GPRC5A: variants seen among roughly 807,000 people sequenced by gnomAD.
The protein encoded by GPRC5A is G protein-coupled receptor class C group 5 member A.
In GPRC5A, 19 loss-of-function variants were observed where a neutral mutation model predicts 22.5. That is an observed-to-expected ratio of 0.85 (90% CI 0.59 to 1.24). The LOEUF (loss-of-function observed/expected upper bound fraction) is 1.24. GPRC5A is among the 50% of genes most tolerant of loss of function. The pLI is 0.00. For missense variants in GPRC5A, 471 were observed against 451.1 expected (o/e 1.04, Z -0.40); for synonymous variants, 192 against 184.5 (o/e 1.04, Z -0.33).
rs766125612 is a variant in GPRC5A, at chr12:12,908,898, A to T, written c.649A>T (p.Met217Leu). Residue 217 changes from methionine to leucine, a missense_variant, in exon 2 of 4, where the codon ATG becomes TTG. By Grantham distance (15) the Met-to-Leu change is conservative (BLOSUM62 2). Transcript: ENST00000014914. ...KRHGAHIYLT[M>L]LLSIAIWVAW... ...ACATGGGGCCCACATCTACCTCACGATGCTCCTCTCCATTGCCATCTGGGT... is the reference window on the plus strand; with the variant it reads ...ACATGGGGCCCACATCTACCTCACGTTGCTCCTCTCCATTGCCATCTGGGT... 3.7e-6 allele frequency: 6 copies of T among 1,613,928 alleles called. No homozygotes were observed. The highest frequency in any genetic ancestry group is 1.1e-5 in the South Asian group (1 of 91,068).
intron 1 of GPRC5A, among the ~76,000 whole-genome samples, chr12:12,902,816 C>A (rs1247765225): frequency 6.6e-6 from 1 of 152,114 alleles, no homozygotes; most frequent in African/African-American, 2.4e-5. Flanking sequence ...GCCTGTAATC[C>A]CAGCACTTTG....
intron 1 of GPRC5A, among the ~76,000 whole-genome samples, chr12:12,900,914 C>CAAAAAAAAAAACA (rs55937595): frequency 2.2e-5 from 2 of 89,750 alleles, no homozygotes; most frequent in South Asian, 3.8e-4. Flanking sequence ...AAAAAAAAAA[C>CAAAAAAAAAAACA]AAAAAAAAAA....
Position 12,908,385 on chromosome 12 carries a change from A to G in GPRC5A, c.136A>G (p.Met46Val), listed in dbSNP as rs1863965027. ...TAGVVTSVAF[M>V]LTLPILVCKV... ...CGGGGTTGTGACCTCGGTGGCCTTC[A>G]TGCTCACTCTCCCGATCCTCGTCTG... The change falls in exon 2 of 4, where the codon ATG becomes GTG. Residue 46 changes from methionine to valine, a missense_variant. Transcript: ENST00000014914. 6.2e-7 allele frequency: 1 copy of G among 1,614,018 alleles called. No individual in the cohort carries two copies. Among genetic ancestry groups the G allele is most frequent in the Non-Finnish European group, 8.5e-7 (1 of 1,180,026 alleles).
chr12:12,904,429 G>C (rs1478883087), intron 1 of GPRC5A, among the ~76,000 whole-genome samples: 1 of 151,896 alleles, frequency 6.6e-6, no homozygotes, highest in Non-Finnish European at 1.5e-5. Flanking sequence ...CAGGAGGGTA[G>C]AGTGTTTAGG....
chr12:12,908,519 C>A lies in GPRC5A; in HGVS notation c.270C>A (p.Asp90Glu). 1 of 1,614,104 alleles carries A rather than the reference C, an allele frequency of 6.2e-7. No individual in the cohort carries two copies. Among genetic ancestry groups the A allele is most frequent in the Non-Finnish European group, 8.5e-7 (1 of 1,180,016 alleles). ...GLTFAFIIGLDGSTGPTRFFL... is the reference protein window; with the variant it reads ...GLTFAFIIGLEGSTGPTRFFL... ...CCTTCGCCTTCATCATCGGACTGGACGGGAGCACAGGGCCCACACGCTTCT... is the reference window on the plus strand; with the variant it reads ...CCTTCGCCTTCATCATCGGACTGGAAGGGAGCACAGGGCCCACACGCTTCT... The change falls in exon 2 of 4, where the codon GAC becomes GAA. Residue 90 changes from aspartate (D) to glutamate (E), a missense_variant. Coordinates refer to ENST00000014914, the MANE Select transcript of GPRC5A (RefSeq NM_003979.4).
chr12:12,905,780 A>G (rs1863935650), intron 1 of GPRC5A, among the ~76,000 whole-genome samples: 1 of 152,210 alleles, frequency 6.6e-6, no homozygotes, highest in Non-Finnish European at 1.5e-5. Flanking sequence ...CGAAGATTGT[A>G]GGGGCAGAGA....
chr12:12,899,965 C>G (rs1351001565), intron 1 of GPRC5A, among the ~76,000 whole-genome samples: 1 of 152,170 alleles, frequency 6.6e-6, no homozygotes, highest in Non-Finnish European at 1.5e-5. Context: ...ACTTCCAGGC[C>G]TAGTCACAAG....
At chr12:12,904,677 G>A (rs779045788) in intron 1 of GPRC5A, among the ~76,000 whole-genome samples, 7 of 151,986 alleles carry the variant, frequency 4.6e-5, no homozygotes, top group Non-Finnish European at 8.8e-5. Flanking sequence ...CGGGAAGATC[G>A]ATTTAAGCTA....
chr12:12,914,549 C>CTTCTTTCTTTCTTTCTTTCTTTCTTTCT lies in GPRC5A; in HGVS notation c.*2031_*2058dup, dbSNP rs1555105849. On this transcript the variant is annotated 3_prime_UTR_variant, in exon 4 of 4. Transcript: ENST00000014914. The stretch of plus-strand genomic sequence containing the variant: ...CTCTCTTTCCTTCCTTCCTTCCTTT[C>CTTCTTTCTTTCTTTCTTTCTTTCTTTCT]TTCTTTCTTTCTTTCTTTCTTTCTT... 2.0e-3 allele frequency: 102 copies of CTTCTTTCTTTCTTTCTTTCTTTCTTTCT among 50,558 alleles called. 4 individuals carry two copies. Among genetic ancestry groups the CTTCTTTCTTTCTTTCTTTCTTTCTTTCT allele is most frequent in the Non-Finnish European group, 3.0e-3 (86 of 28,458 alleles). 3.1% of individuals were successfully genotyped at this position (50,558 alleles called of 1,614,324 possible).
At chr12:12,911,633 T>C (rs1332791675) in intron 2 of GPRC5A, among the ~76,000 whole-genome samples, 4 of 151,898 alleles carry the variant, frequency 2.6e-5, no homozygotes, top group South Asian at 2.1e-4. Flanking sequence ...GGACTACAGG[T>C]GCCCGCCACC....
At chr12:12,902,752 C>CA (rs770951957) in intron 1 of GPRC5A, among the ~76,000 whole-genome samples, 50 of 150,670 alleles carry the variant, frequency 3.3e-4, no homozygotes, top group Non-Finnish European at 5.8e-4. Flanking sequence ...CCCTGGGTGA[C>CA]AGAGTGAGAA....
intron 2 of GPRC5A, 128 bp from the exon 3 acceptor site, chr12:12,911,956 G>T (rs1054974774): frequency 6.1e-6 from 4 of 653,206 alleles, no homozygotes; most frequent in Middle Eastern, 3.9e-4. Context: ...GTCCCTCCAA[G>T]AAACTTAAGG....
At position 12,915,893 on chromosome 12, in the gene GPRC5A, C is replaced by A. The variant is rs373736787; in HGVS notation, c.*3354C>A. On this transcript the variant is annotated 3_prime_UTR_variant, in exon 4 of 4. Coordinates refer to ENST00000014914, the MANE Select transcript of GPRC5A (RefSeq NM_003979.4). The stretch of plus-strand genomic sequence containing the variant: ...GCCAGCCCTGCACTGAACGCCTGTT[C>A]TTGCCAGGTGGCAGAAGGTTGCTGC... The A allele has an allele frequency of 3.8e-6, 2 of 526,410 alleles. No individual in the cohort carries two copies. Among genetic ancestry groups the A allele is most frequent in the African/African-American group, 3.9e-5 (2 of 51,826 alleles). The allele number at this position is 526,410 out of a possible 1,614,324, so 32.6% of individuals were successfully genotyped here.
In GPRC5A at chr12:12,917,212, CTG is replaced by C. The variant is rs59601728; in HGVS notation, c.*4712_*4713del. 0.28 allele frequency: 39,451 copies of C among 138,788 alleles called. 6,110 individuals are homozygous for C. The highest frequency in any genetic ancestry group is 0.37 in the Admixed American group (5,008 of 13,606). 8.6% of individuals were successfully genotyped at this position (138,788 alleles called of 1,614,324 possible). A position where few individuals can be genotyped will look rare whatever the true frequency, so the allele number is the denominator to read the frequency against. The stretch of plus-strand genomic sequence containing the variant: ...GGATGTTCCAAGGATGCTGCTGGAT[CTG>C]TGTGTGTGTGTGTGTGTGTGTGTGT... On this transcript the variant is annotated 3_prime_UTR_variant, in exon 4 of 4. Transcript: ENST00000014914.
In GPRC5A at chr12:12,914,499, T is replaced by C. The variant is rs1314830837; in HGVS notation, c.*1960T>C. ...TATCATAGGCTAGGGACTCAAGAAA[T>C]GCATATTCCCCCCCCACTTTCTTTC... On this transcript the variant is annotated 3_prime_UTR_variant, in exon 4 of 4. Transcript: ENST00000014914. The C allele has an allele frequency of 6.6e-6, 1 of 152,038 alleles. No homozygotes were observed. The allele number at this position is 152,038 out of a possible 1,614,324, so 9.4% of individuals were successfully genotyped here. A position where few individuals can be genotyped will look rare whatever the true frequency, so the allele number is the denominator to read the frequency against.
chr12:12,894,841 C>T (rs147200948), intron 1 of GPRC5A, among the ~76,000 whole-genome samples: 2,993 of 121,778 alleles, frequency 0.025, 114 homozygotes, highest in African/African-American at 0.086. Flanking sequence ...TGCAGTGGTG[C>T]GATCACGGCT....
intron 1 of GPRC5A, 39 bp from the exon 2 acceptor site, chr12:12,908,204 T>A: frequency 7.6e-7 from 1 of 1,316,594 alleles, no homozygotes; most frequent in Non-Finnish European, 1.1e-6. Context: ...GTTAGGAGAT[T>A]CAATACCTTC....
In GPRC5A at chr12:12,908,356, C is replaced by A; in HGVS notation, c.107C>A (p.Thr36Lys). The stretch of plus-strand genomic sequence containing the variant: ...GGCATCGTCCTAGAAACGGTGGCCA[C>A]AGCCGGGGTTGTGACCTCGGTGGCC... ...AWGIVLETVATAGVVTSVAFM... is the reference protein window; with the variant it reads ...AWGIVLETVAKAGVVTSVAFM... The change falls in exon 2 of 4, where the codon ACA (threonine) becomes AAA (lysine). Residue 36 changes from threonine to lysine, a missense_variant. Coordinates refer to ENST00000014914, the MANE Select transcript of GPRC5A (RefSeq NM_003979.4). 6.2e-7 allele frequency: 1 copy of A among 1,614,120 alleles called. No homozygotes were observed.
intron 1 of GPRC5A, among the ~76,000 whole-genome samples, chr12:12,893,916 C>G (rs1169195162): frequency 6.6e-6 from 1 of 152,134 alleles, no homozygotes; most frequent in Non-Finnish European, 1.5e-5. Context: ...CGCCCGCTAC[C>G]ACGCCTGGGT....
Sources: allele counts gnomAD v4.1 joint callset (sites outside exome capture counted in the v4.1 genomes callset), GRCh38; gene constraint gnomAD v4.1.1; transcripts MANE v1.5; gene names NCBI Gene and HGNC (gene_info 2026-07-23, HGNC 2026-07-21).